The following ACTL6B variants were observed in gnomAD, a reference collection of about 807,000 sequenced individuals.
The protein encoded by ACTL6B is actin-like protein 6B.
Under a neutral mutation model 63.3 loss-of-function variants are expected in ACTL6B, and 48 were observed. The ratio of observed to expected loss-of-function variants is 0.76; its 90% CI spans 0.60 to 0.96. The LOEUF (loss-of-function observed/expected upper bound fraction) is 0.96, where lower values mean the gene tolerates loss of function less well. Among genes scored for constraint, ACTL6B ranks in the 50% least tolerant of loss-of-function variants. ACTL6B has a pLI of 0.00. For missense variants in ACTL6B, 350 were observed against 572.2 expected, an observed-to-expected ratio of 0.61 and a Z score of 3.96; for synonymous variants, 230 against 223.8, an observed-to-expected ratio of 1.03 and a Z score of -0.25.
intron 4 of ACTL6B, among the ~76,000 whole-genome samples, chr7:100,654,547 A>C (rs949019113): frequency 1.3e-5 from 2 of 151,680 alleles, no homozygotes; most frequent in Non-Finnish European, 2.9e-5. Context: ...TTGGGAGGCC[A>C]AGGCGGGTGG....
rs1491103786 is a variant in ACTL6B at position 100,646,336 on chromosome 7, CTG to C, written c.1114-3_1114-2del. ...TGGCAATGAGTTTCAGTCGCATGCTCTGGGGGTAAAAAGGGGCTGGGGGAAGC... is the reference window on the plus strand; with the variant it reads ...TGGCAATGAGTTTCAGTCGCATGCTCGGGGTAAAAAGGGGCTGGGGGAAGC... On this transcript the variant is annotated splice_acceptor_variant and splice_polypyrimidine_tract_variant and intron_variant, in intron 12 of 13. Transcript: ENST00000160382. LOFTEE classifies it high-confidence loss of function. This position sits in a 1 kb window ranked among gnomAD's most constrained non-coding sequence, Gnocchi z 6.1. The C allele has an allele frequency of 6.2e-7, 1 of 1,613,702 alleles. No individual in the cohort carries two copies. Among genetic ancestry groups the C allele is most frequent in the Non-Finnish European group, 8.5e-7 (1 of 1,179,866 alleles).
intron 4 of ACTL6B, 87 bp from the exon 5 acceptor site, chr7:100,650,222 T>TAAA: frequency 9.3e-7 from 1 of 1,080,878 alleles, no homozygotes; most frequent in African/African-American, 1.6e-5. Context: ...CACTCACACA[T>TAAA]ACACTCACGG....
In ACTL6B at chr7:100,647,225, T is replaced by TTCATC; in HGVS notation, c.814_818dup (p.Gln274MetfsTer55). 1 of 1,607,482 alleles carries TTCATC rather than the reference T, an allele frequency of 6.2e-7. No homozygotes were observed. Among genetic ancestry groups the TTCATC allele is most frequent in the Non-Finnish European group, 8.5e-7 (1 of 1,176,932 alleles). On this transcript the variant is annotated frameshift_variant, in exon 9 of 14. Coordinates refer to ENST00000160382, the MANE Select transcript of ACTL6B (RefSeq NM_016188.5). LOFTEE classifies it high-confidence loss of function. This position sits in a 1 kb window ranked among gnomAD's most constrained non-coding sequence, Gnocchi z 4.4. ...CCAAAGCCCTGAGCCACACTCACTG[T>TTCATC]TCATCGTAGGGGGAGTCTGAGACCT...
rs1044348178 is a variant in ACTL6B, at chr7:100,647,138, G to A, written c.822-53C>T. The A allele has an allele frequency of 9.3e-6, 15 of 1,610,474 alleles. No homozygotes were observed. The highest frequency in any genetic ancestry group is 2.2e-5 in the East Asian group (1 of 44,866). ...TGGGGTGCTCAAGAAGGATCAGTGC[G>A]TGGGCAGCACCAGAGCCCCCCAGCC... is the stretch of plus-strand genomic sequence containing the variant. On this transcript the variant is annotated intron_variant, in intron 9 of 13. Transcript: ENST00000160382. The surrounding 1 kb of genome is among the most constrained non-coding windows in gnomAD (Gnocchi z 4.4).
intron 13 of ACTL6B, among the ~76,000 whole-genome samples, chr7:100,644,045 G>A (rs1246351770): frequency 1.3e-5 from 2 of 152,008 alleles, no homozygotes; most frequent in Admixed American, 6.6e-5. Flanking sequence ...GATTACAGGC[G>A]CGTGCCAACA....
chr7:100,652,272 C>T (rs1803953800), intron 4 of ACTL6B, among the ~76,000 whole-genome samples: 12 of 151,890 alleles, frequency 7.9e-5, no homozygotes, highest in Admixed American at 7.9e-4. Flanking sequence ...GTGGTGGGTG[C>T]CTATAGTCCC....
At chr7:100,654,432 CATAATA>C (rs146623180) in intron 4 of ACTL6B, among the ~76,000 whole-genome samples, 28,799 of 137,204 alleles carry the variant, frequency 0.21, 4,760 homozygotes, top group East Asian at 0.59. Flanking sequence ...CAAAGTTGAC[CATAATA>C]ATAATAATAA....
At chr7:100,645,109 T>G (rs1419727675) in intron 13 of ACTL6B, among the ~76,000 whole-genome samples, 1 of 152,150 alleles carries the variant, frequency 6.6e-6, no homozygotes, top group Non-Finnish European at 1.5e-5. Flanking sequence ...GCTGACATGC[T>G]TCAGCCCTGA....
intron 4 of ACTL6B, among the ~76,000 whole-genome samples, chr7:100,650,861 A>G (rs1803928391): frequency 6.6e-6 from 1 of 152,172 alleles, no homozygotes; most frequent in Non-Finnish European, 1.5e-5. Context: ...GGGCAACAAA[A>G]TCCAATAACA....
chr7:100,646,709 C>G lies in ACTL6B; in HGVS notation c.1017+42G>C. The G allele has an allele frequency of 6.2e-7, 1 of 1,613,308 alleles. No individual in the cohort carries two copies. Among genetic ancestry groups the G allele is most frequent in the East Asian group, 2.2e-5 (1 of 44,856 alleles). On this transcript the variant is annotated intron_variant, in intron 11 of 13. Coordinates refer to ENST00000160382, the MANE Select transcript of ACTL6B (RefSeq NM_016188.5). This position sits in a 1 kb window ranked among gnomAD's most constrained non-coding sequence, Gnocchi z 6.1. Reference sequence around the variant, plus strand: ...CCCCCAACCCCGTCTCCCCACTTCCCCTGGGCCCCTTTGCCGAGCCTCAGC... The same window carrying G: ...CCCCCAACCCCGTCTCCCCACTTCCGCTGGGCCCCTTTGCCGAGCCTCAGC...
chr7:100,644,691 C>T (rs1562847314), intron 13 of ACTL6B, among the ~76,000 whole-genome samples: 1 of 152,076 alleles, frequency 6.6e-6, no homozygotes, highest in Non-Finnish European at 1.5e-5. Context: ...AAATGATCCT[C>T]CCGCCTTGGC....
At chr7:100,652,173 C>T (rs550571127) in intron 4 of ACTL6B, among the ~76,000 whole-genome samples, 25 of 151,462 alleles carry the variant, frequency 1.7e-4, no homozygotes, top group East Asian at 5.9e-4. Context: ...CCGAGGCCGG[C>T]GGATCGCGAG....
rs1175353031 is a variant in ACTL6B, at chr7:100,647,187, C to T, written c.821+36G>A. On this transcript the variant is annotated intron_variant, in intron 9 of 13. Coordinates refer to ENST00000160382, the MANE Select transcript of ACTL6B (RefSeq NM_016188.5). The surrounding 1 kb of genome is among the most constrained non-coding windows in gnomAD (Gnocchi z 4.4). Reference sequence around the variant, plus strand: ...CCCACCCCAAGAGTGCCGGTTCTGCCCTCTCTCCCACCCCAAAGCCCTGAG... The same window carrying T: ...CCCACCCCAAGAGTGCCGGTTCTGCTCTCTCTCCCACCCCAAAGCCCTGAG... 1.2e-6 allele frequency: 2 copies of T among 1,602,218 alleles called. No homozygotes were observed. The highest frequency in any genetic ancestry group is 1.7e-6 in the Non-Finnish European group (2 of 1,169,668).
chr7:100,644,302 G>A lies in ACTL6B; in HGVS notation c.1201-976C>T, dbSNP rs554820186. ...TTCCACCTCAGCCTCCCATAATGTTGGGATTACAGGCGTGAGCTACCACGG... is the reference window on the plus strand; with the variant it reads ...TTCCACCTCAGCCTCCCATAATGTTAGGATTACAGGCGTGAGCTACCACGG... On this transcript the variant is annotated intron_variant, in intron 13 of 13. Transcript: ENST00000160382. 2.0e-5 allele frequency among the ~76,000 whole-genome samples: 3 copies of A among 152,272 alleles called. No homozygotes were observed. The East Asian group carries it at 5.8e-4, about 29-fold the overall frequency.
chr7:100,645,460 G>C (rs1384426492), intron 13 of ACTL6B, among the ~76,000 whole-genome samples: 2 of 152,026 alleles, frequency 1.3e-5, no homozygotes, highest in Non-Finnish European at 2.9e-5. Flanking sequence ...CTTGACCCCA[G>C]CTCATACCCC....
At chr7:100,650,783 C>A (rs1803927356) in intron 4 of ACTL6B, among the ~76,000 whole-genome samples, 1 of 150,796 alleles carries the variant, frequency 6.6e-6, no homozygotes. Context: ...TCTTGGAAAC[C>A]AAAGGAAAAA....
chr7:100,651,674 C>G (rs1249871033), intron 4 of ACTL6B, among the ~76,000 whole-genome samples: 1 of 151,894 alleles, frequency 6.6e-6, no homozygotes, highest in African/African-American at 2.4e-5. Context: ...ATCTCTGCCT[C>G]CTGGGTACAA....
At chr7:100,652,960 C>A (rs1803967891) in intron 4 of ACTL6B, among the ~76,000 whole-genome samples, 1 of 123,190 alleles carries the variant, frequency 8.1e-6, no homozygotes, top group East Asian at 2.4e-4. Flanking sequence ...GAGATCGCAC[C>A]ACTGCACTCC....
At position 100,656,363 on chromosome 7, in the gene ACTL6B, C is replaced by T. The variant is rs1584472176; in HGVS notation, c.-9G>A. ...TAGACGCCCCCGCTCATAGTGCCCGCTGCGCTGCTAGCGGCCCGTGGGCGG... is the reference window on the plus strand; with the variant it reads ...TAGACGCCCCCGCTCATAGTGCCCGTTGCGCTGCTAGCGGCCCGTGGGCGG... On this transcript the variant is annotated 5_prime_UTR_variant, in exon 1 of 14. Coordinates refer to ENST00000160382, the MANE Select transcript of ACTL6B (RefSeq NM_016188.5). The T allele has an allele frequency of 1.5e-6, 2 of 1,346,550 alleles. No individual in the cohort carries two copies. Among genetic ancestry groups the T allele is most frequent in the Middle Eastern group, 2.3e-4 (1 of 4,348 alleles). The allele number at this position is 1,346,550 out of a possible 1,614,324, so 83.4% of individuals were successfully genotyped here.
Sources: gnomAD v4.1 joint callset for allele counts (sites outside exome capture counted in the v4.1 genomes callset) on GRCh38, gnomAD v4.1.1 for gene constraint, Gnocchi (gnomAD v3.1) non-coding constraint, MANE v1.5 for transcripts, NCBI Gene and HGNC (gene_info 2026-07-23, HGNC 2026-07-21) for gene names.